The following KANK1 variants were observed in gnomAD, a reference collection of about 807,000 sequenced individuals.
KANK1 encodes KN motif and ankyrin repeat domains 1, also known as KN motif and ankyrin repeat domain-containing protein 1.
A neutral mutation model predicts 106.2 loss-of-function variants in KANK1; 109 were observed. The observed-to-expected ratio is 1.03, with a 90% CI of 0.88 to 1.20. The LOEUF (loss-of-function observed/expected upper bound fraction) is 1.20, where lower values mean the gene tolerates loss of function less well. KANK1 is among the 50% of genes most tolerant of loss of function. The pLI, the probability that KANK1 is intolerant of heterozygous loss-of-function variation, is 0.00. For synonymous variants in KANK1, 873 were observed against 652.2 expected (o/e 1.34, Z -5.16); for missense variants, 2,399 against 1,710.7 (o/e 1.40, Z -7.10).
intron 1 of KANK1, among the ~76,000 whole-genome samples, chr9:606,598 AT>A (rs1563848336): frequency 1.2e-4 from 17 of 138,418 alleles, no homozygotes; most frequent in Non-Finnish European, 2.1e-4. Context: ...CCTATAAAAT[AT>A]GTGTGTGTGT....
chr9:534,147 G>A (rs1217196491), intron 1 of KANK1, among the ~76,000 whole-genome samples: 2 of 152,174 alleles, frequency 1.3e-5, no homozygotes, highest in African/African-American at 4.8e-5. Context: ...TGCTTGGAAA[G>A]GGCATAGAGT....
upstream of KANK1, among the ~76,000 whole-genome samples, chr9:504,375 G>A (rs1207364285): frequency 3.3e-5 from 5 of 151,968 alleles, 1 homozygote; most frequent in African/African-American, 9.6e-5. Context: ...GGTGCACGAA[G>A]GTGCCCCGCG....
intron 1 of KANK1, among the ~76,000 whole-genome samples, chr9:602,760 A>G (rs917705331): frequency 6.6e-6 from 1 of 151,886 alleles, no homozygotes; most frequent in African/African-American, 2.4e-5. Flanking sequence ...TTAGATTGAA[A>G]GCCTGTTCTC....
chr9:712,669 G>A lies in KANK1; in HGVS notation c.1903G>A (p.Val635Ile). The A allele has an allele frequency of 6.2e-7, 1 of 1,614,148 alleles. No individual in the cohort carries two copies. Among genetic ancestry groups the A allele is most frequent in the Non-Finnish European group, 8.5e-7 (1 of 1,180,030 alleles). Reference protein sequence around the residue: ...VRSIGCGDCSVDVTVCSPKEC... With the variant: ...VRSIGCGDCSIDVTVCSPKEC... The stretch of plus-strand genomic sequence containing the variant: ...GTCTATCGGTTGTGGAGATTGTTCT[G>A]TTGACGTGACCGTCTGCTCTCCAAA... The change falls in exon 3 of 12, where the codon GTT becomes ATT. Residue 635 changes from valine to isoleucine, a missense_variant. By Grantham distance (29) the Val-to-Ile change is conservative (BLOSUM62 3). Coordinates refer to ENST00000382297, the MANE Select transcript of KANK1 (RefSeq NM_015158.5).
intron 11 of KANK1, 114 bp from the exon 12 acceptor site, chr9:745,059 C>A: frequency 6.5e-7 from 1 of 1,532,484 alleles, no homozygotes; most frequent in Non-Finnish European, 8.8e-7. Context: ...GCTCTCCTGG[C>A]TCGGGCTCAC....
chr9:523,938 C>T (rs1005388245), intron 1 of KANK1, among the ~76,000 whole-genome samples: 12 of 151,500 alleles, frequency 7.9e-5, no homozygotes, highest in Non-Finnish European at 2.9e-5. Flanking sequence ...GAACCTTTAG[C>T]TGGTTTGCTG....
At chr9:619,161 C>T (rs997623267) in intron 1 of KANK1, among the ~76,000 whole-genome samples, 3 of 152,164 alleles carry the variant, frequency 2.0e-5, no homozygotes, top group African/African-American at 7.2e-5. Context: ...TCAGTTCTTG[C>T]TTTACAGCCA....
chr9:734,120 A>C (rs1833064621), intron 6 of KANK1: 1 of 150,830 alleles, frequency 6.6e-6, no homozygotes, highest in South Asian at 2.1e-4. Context: ...AAAAAAAAAA[A>C]AAAAAAAAAA....
At chr9:477,632 A>G (rs1587188950) in intron 3 of KANK1, 1 of 152,360 alleles carries the variant, frequency 6.6e-6, no homozygotes, top group South Asian at 2.1e-4. Flanking sequence ...CAGGGCTGAT[A>G]TCACAAGTAG....
chr9:706,993 T>A (rs982928955), intron 2 of KANK1: 5 of 985,390 alleles, frequency 5.1e-6, no homozygotes, highest in Admixed American at 6.1e-5. Context: ...GATACCGGTT[T>A]CCTGTTTTCA....
rs763138872 is a variant in KANK1, at chr9:713,198, C to T, written c.2432C>T (p.Pro811Leu). ...CCTGTAGGGGAATCTCTGGAGAACC[C>T]CCAGCCTCAAGCTCCACTTGGAATG... ...DDPVGESLEN[P>L]QPQAPLGMMT... Residue 811 changes from proline (P) to leucine (L), a missense_variant, in exon 3 of 12, where the codon CCC becomes CTC. Physicochemically the swap from Pro to Leu is moderately conservative, Grantham distance 98 (BLOSUM62 -3). Coordinates refer to ENST00000382297, the MANE Select transcript of KANK1 (RefSeq NM_015158.5). The T allele has an allele frequency of 5.0e-5, 80 of 1,586,534 alleles. 1 individual carries two copies. In the East Asian group the frequency reaches 1.7e-3, roughly 35 times the overall value.
chr9:720,820 A>G (rs1181505180), intron 3 of KANK1, among the ~76,000 whole-genome samples: 1 of 152,082 alleles, frequency 6.6e-6, no homozygotes, highest in South Asian at 2.1e-4. Context: ...TTTTATCCCT[A>G]TTGTTCAGGG....
chr9:603,575 TC>T (rs1828317875), intron 1 of KANK1, among the ~76,000 whole-genome samples: 1 of 151,866 alleles, frequency 6.6e-6, no homozygotes, highest in African/African-American at 2.4e-5. Context: ...ATCATCTTTT[TC>T]CTTACCTTTC....
chr9:629,428 A>G (rs1000599326), intron 1 of KANK1, among the ~76,000 whole-genome samples: 26 of 152,278 alleles, frequency 1.7e-4, no homozygotes, highest in Middle Eastern at 3.4e-3. Flanking sequence ...ATGTTAATAA[A>G]TATTTCTACG....
intron 1 of KANK1, among the ~76,000 whole-genome samples, chr9:628,950 G>GTT (rs1563889763): frequency 7.4e-6 from 1 of 134,968 alleles, no homozygotes; most frequent in South Asian, 2.2e-4. Flanking sequence ...CATGGTGATG[G>GTT]GCGCCTGTAA....
At chr9:735,923 A>T (rs974549109) in intron 7 of KANK1, 4 of 240,088 alleles carry the variant, frequency 1.7e-5, no homozygotes, top group African/African-American at 8.8e-5. Context: ...TGCACCCGGG[A>T]GGTGGTGGTT....
intron 1 of KANK1, among the ~76,000 whole-genome samples, chr9:617,019 A>G (rs911716242): frequency 2.0e-5 from 3 of 152,190 alleles, no homozygotes; most frequent in African/African-American, 7.2e-5. Context: ...CATGTTTAAA[A>G]TGCAGTCCCT....
chr9:730,017 A>G (rs1831766539), intron 3 of KANK1, 34 bp from the exon 4 acceptor site: 2 of 1,586,222 alleles, frequency 1.3e-6, no homozygotes, highest in African/African-American at 1.4e-5. Context: ...CAGTCCTAGC[A>G]TCACACACTC....
At chr9:541,564 T>C (rs948336855) in intron 1 of KANK1, among the ~76,000 whole-genome samples, 1 of 152,104 alleles carries the variant, frequency 6.6e-6, no homozygotes, top group African/African-American at 2.4e-5. Context: ...GCCTGGGCAA[T>C]GATGTTTTGG....
Sources: allele counts gnomAD v4.1 joint callset (sites outside exome capture counted in the v4.1 genomes callset), GRCh38; gene constraint gnomAD v4.1.1; transcripts MANE v1.5; gene names NCBI Gene and HGNC (gene_info 2026-07-23, HGNC 2026-07-21).